The following GALNTL6 variants were observed in gnomAD, a reference collection of about 807,000 sequenced individuals.
The protein encoded by GALNTL6 is polypeptide N-acetylgalactosaminyltransferase like 6.
GALNTL6 carries 46 observed loss-of-function variants against 73.7 expected under a neutral mutation model. The observed-to-expected ratio is 0.62, with a 90% CI of 0.49 to 0.80. The LOEUF (loss-of-function observed/expected upper bound fraction) is 0.80, where lower values mean the gene tolerates loss of function less well. GALNTL6 is among the 30% of genes least tolerant of loss of function. The probability of loss-of-function intolerance (pLI) is 0.00; values close to 1 mark genes in which losing one functional copy is unlikely to be tolerated. For missense variants in GALNTL6, 604 were observed against 755.0 expected, an observed-to-expected ratio of 0.80 and a Z score of 2.34; for synonymous variants, 259 against 263.7, an observed-to-expected ratio of 0.98 and a Z score of 0.17.
chr4:172,576,458 G>C (rs973078909), intron 5 of GALNTL6, among the ~76,000 whole-genome samples: 2 of 152,150 alleles, frequency 1.3e-5, no homozygotes, highest in African/African-American at 4.8e-5. Flanking sequence ...TGGGTCTAAG[G>C]GTTGTTTGAA....
chr4:171,832,887 C>T (rs76859255), intron 2 of GALNTL6, among the ~76,000 whole-genome samples: 2,128 of 151,848 alleles, frequency 0.014, 46 homozygotes, highest in African/African-American at 0.048. Flanking sequence ...CAATAAGCTT[C>T]CAAGTCCTTC....
At chr4:172,043,668 T>C (rs910265091) in intron 2 of GALNTL6, among the ~76,000 whole-genome samples, 2 of 152,076 alleles carry the variant, frequency 1.3e-5, no homozygotes, top group Non-Finnish European at 2.9e-5. Flanking sequence ...TGTATAAATA[T>C]TCCAGGAAAA....
chr4:172,834,881 A>G (rs1742827035), intron 7 of GALNTL6, among the ~76,000 whole-genome samples: 1 of 152,274 alleles, frequency 6.6e-6, no homozygotes, highest in Non-Finnish European at 1.5e-5. Context: ...TTCAAGAACC[A>G]TGAGTGAGAA....
At chr4:172,304,711 T>C (rs1268962216) in intron 3 of GALNTL6, among the ~76,000 whole-genome samples, 1 of 152,178 alleles carries the variant, frequency 6.6e-6, no homozygotes, top group Non-Finnish European at 1.5e-5. Flanking sequence ...ACTTTATCTC[T>C]CAGTATTCCA....
At chr4:172,272,210 C>T (rs1443523995) in intron 3 of GALNTL6, among the ~76,000 whole-genome samples, 1 of 152,170 alleles carries the variant, frequency 6.6e-6, no homozygotes, top group Non-Finnish European at 1.5e-5. Flanking sequence ...TCACCTCAGC[C>T]TCCCAAATTG....
rs149522296 is a variant in GALNTL6, at chr4:172,139,750, C to A, written c.139-89906C>A. 3.9e-3 allele frequency among the ~76,000 whole-genome samples: 591 copies of A among 152,260 alleles called. 3 individuals carry two copies. The highest frequency in any genetic ancestry group is 0.013 in the African/African-American group (552 of 41,546). Reference sequence around the variant, plus strand: ...GAATTCTGCCCTTTTAGAAATAGATCATGTCCCCCTCACGGGAAGCAACTA... The same window carrying A: ...GAATTCTGCCCTTTTAGAAATAGATAATGTCCCCCTCACGGGAAGCAACTA... On this transcript the variant is annotated intron_variant, in intron 2 of 12. Transcript: ENST00000506823.
intron 10 of GALNTL6, among the ~76,000 whole-genome samples, chr4:172,980,927 C>T (rs1002478328): frequency 7.2e-5 from 11 of 152,328 alleles, no homozygotes; most frequent in Admixed American, 3.9e-4. Context: ...TCAGGTACCT[C>T]ACATAAGTAG....
intron 5 of GALNTL6, among the ~76,000 whole-genome samples, chr4:172,576,004 G>A (rs1736943504): frequency 6.6e-6 from 1 of 152,156 alleles, no homozygotes; most frequent in African/African-American, 2.4e-5. Context: ...TGTACTTTCA[G>A]CCCTTAATTC....
At chr4:171,897,722 C>A in intron 2 of GALNTL6, among the ~76,000 whole-genome samples, 1 of 150,750 alleles carries the variant, frequency 6.6e-6, no homozygotes, top group Non-Finnish European at 1.5e-5. Context: ...GCAATTTCGG[C>A]TCACTGCAAG....
At chr4:172,030,807 T>A (rs1307553408) in intron 2 of GALNTL6, among the ~76,000 whole-genome samples, 1 of 148,838 alleles carries the variant, frequency 6.7e-6, no homozygotes, top group Non-Finnish European at 1.5e-5. Flanking sequence ...CACACATACA[T>A]ACACATATAT....
chr4:172,836,393 A>G (rs1414033886), intron 7 of GALNTL6, among the ~76,000 whole-genome samples: 1 of 152,184 alleles, frequency 6.6e-6, no homozygotes, highest in African/African-American at 2.4e-5. Flanking sequence ...GGGCTGGGGA[A>G]GTTTCCTACA....
At chr4:172,131,093 A>G (rs545387980) in intron 2 of GALNTL6, among the ~76,000 whole-genome samples, 2 of 152,156 alleles carry the variant, frequency 1.3e-5, no homozygotes, top group Admixed American at 1.3e-4. Context: ...AAAAACAAAC[A>G]TATTTTTACA....
chr4:172,393,660 G>A (rs552086244), intron 5 of GALNTL6, among the ~76,000 whole-genome samples: 3 of 152,020 alleles, frequency 2.0e-5, no homozygotes, highest in African/African-American at 4.8e-5. Context: ...TTTTGTCTTC[G>A]AGATTTCCCT....
chr4:172,542,688 C>T (rs1735605087), intron 5 of GALNTL6, among the ~76,000 whole-genome samples: 1 of 152,150 alleles, frequency 6.6e-6, no homozygotes, highest in African/African-American at 2.4e-5. Context: ...TCGGGTTTCT[C>T]TGGGGTCCCC....
chr4:172,957,136 C>T (rs768217465), intron 10 of GALNTL6, among the ~76,000 whole-genome samples: 16 of 152,166 alleles, frequency 1.1e-4, no homozygotes, highest in African/African-American at 2.2e-4. Flanking sequence ...CAGTCCTGGG[C>T]GGGAGCAAAT....
chr4:172,825,056 C>CTTTTT lies in GALNTL6; in HGVS notation c.923+11343_923+11347dup, dbSNP rs36147306. Among the ~76,000 whole-genome samples the CTTTTT allele has an allele frequency of 7.5e-4, 89 of 118,326 alleles. 3 individuals carry two copies. Among genetic ancestry groups the CTTTTT allele is most frequent in the Non-Finnish European group, 1.4e-3 (81 of 58,026 alleles). The allele number at this position is 118,326 out of a possible 152,430, so 77.6% of individuals were successfully genotyped here. A position where few individuals can be genotyped will look rare whatever the true frequency, so the allele number is the denominator to read the frequency against. On this transcript the variant is annotated intron_variant, in intron 7 of 12. Transcript: ENST00000506823. ...TAAATCGGTGGGACAATTCTTTTTT[C>CTTTTT]TTTTTTTTTTTTTTGGTTATCTTTT... is the stretch of plus-strand genomic sequence containing the variant.
intron 5 of GALNTL6, among the ~76,000 whole-genome samples, chr4:172,553,316 T>C (rs1026600599): frequency 2.2e-4 from 33 of 152,186 alleles, no homozygotes; most frequent in Admixed American, 2.0e-3. Context: ...CTTTCTTTTC[T>C]GGACATTTCC....
intron 2 of GALNTL6, among the ~76,000 whole-genome samples, chr4:172,040,703 T>C (rs1304622752): frequency 6.6e-6 from 1 of 152,090 alleles, no homozygotes; most frequent in Non-Finnish European, 1.5e-5. Flanking sequence ...AATTGATACT[T>C]AAAGAGGCTA....
intron 5 of GALNTL6, among the ~76,000 whole-genome samples, chr4:172,700,395 T>C (rs1320995208): frequency 6.6e-6 from 1 of 152,202 alleles, no homozygotes; most frequent in Non-Finnish European, 1.5e-5. Context: ...AGGGAATTTG[T>C]AACCTGTTAA....
Sources: allele counts gnomAD v4.1 joint callset (sites outside exome capture counted in the v4.1 genomes callset), GRCh38; gene constraint gnomAD v4.1.1; transcripts MANE v1.5; gene names NCBI Gene and HGNC (gene_info 2026-07-23, HGNC 2026-07-21).